The following MAP2K6 variants were observed in gnomAD, a reference collection of about 807,000 sequenced individuals.
MAP2K6 encodes the protein dual specificity mitogen-activated protein kinase kinase 6.
Under a neutral mutation model 53.7 loss-of-function variants are expected in MAP2K6, and 16 were observed. The ratio of observed to expected loss-of-function variants is 0.30; its 90% confidence interval spans 0.20 to 0.45. The LOEUF (loss-of-function observed/expected upper bound fraction) is 0.45, where lower values mean the gene tolerates loss of function less well. Among genes scored for constraint, MAP2K6 ranks in the 20% least tolerant of loss-of-function variants. The pLI is 1.00. For missense variants in MAP2K6, 204 were observed against 411.9 expected, an observed-to-expected ratio of 0.50 and a Z score of 4.37; for synonymous variants, 132 against 143.1, an observed-to-expected ratio of 0.92 and a Z score of 0.55.
At chr17:69,430,615 TG>T (rs35168679) in intron 1 of MAP2K6, among the ~76,000 whole-genome samples, 2 of 152,152 alleles carry the variant, frequency 1.3e-5, no homozygotes, top group Admixed American at 1.3e-4. Context: ...GAAACTAGTT[TG>T]GGGCTTGTTT....
chr17:69,483,754 A>G (rs530350605), intron 1 of MAP2K6, among the ~76,000 whole-genome samples: 1 of 152,266 alleles, frequency 6.6e-6, no homozygotes, highest in South Asian at 2.1e-4. Context: ...ATAGACACAG[A>G]CAAATGGAAT....
At chr17:69,496,080 A>ATT (rs113695007) in intron 1 of MAP2K6, among the ~76,000 whole-genome samples, 98 of 150,064 alleles carry the variant, frequency 6.5e-4, no homozygotes, top group African/African-American at 2.3e-3. Flanking sequence ...GTCTACTAGG[A>ATT]CTTTTTTTTT....
intron 1 of MAP2K6, among the ~76,000 whole-genome samples, chr17:69,426,474 C>G (rs940431614): frequency 6.6e-6 from 1 of 152,172 alleles, no homozygotes; most frequent in South Asian, 2.1e-4. Flanking sequence ...CTATAGTACT[C>G]TCTCTATAAA....
intron 1 of MAP2K6, among the ~76,000 whole-genome samples, chr17:69,420,663 A>T (rs1006046082): frequency 6.6e-6 from 1 of 152,250 alleles, no homozygotes. Context: ...GGGAGAAGTC[A>T]GATCTACAGA....
chr17:69,537,311 A>G (rs989528304), intron 11 of MAP2K6, among the ~76,000 whole-genome samples: 9 of 152,212 alleles, frequency 5.9e-5, no homozygotes, highest in Non-Finnish European at 1.3e-4. Flanking sequence ...TTCAATTATC[A>G]AGGTTTTCAT....
intron 1 of MAP2K6, among the ~76,000 whole-genome samples, chr17:69,460,574 T>C (rs1367958175): frequency 6.6e-6 from 1 of 152,136 alleles, no homozygotes; most frequent in Non-Finnish European, 1.5e-5. Flanking sequence ...AGTGCAAAAG[T>C]CTAGCTAAGA....
chr17:69,446,860 GT>G (rs72215299), intron 1 of MAP2K6, among the ~76,000 whole-genome samples: 121 of 148,070 alleles, frequency 8.2e-4, no homozygotes, highest in Middle Eastern at 3.4e-3. Flanking sequence ...TAAGAATAAG[GT>G]TTTTTTTTTT....
chr17:69,514,069 AC>A (rs1910013616), intron 2 of MAP2K6, among the ~76,000 whole-genome samples: 1 of 151,620 alleles, frequency 6.6e-6, no homozygotes, highest in African/African-American at 2.4e-5. Flanking sequence ...AGATCGTGCC[AC>A]TGCACTCCAG....
intron 1 of MAP2K6, among the ~76,000 whole-genome samples, chr17:69,451,002 T>C (rs891812731): frequency 2.0e-5 from 3 of 151,950 alleles, no homozygotes; most frequent in African/African-American, 7.3e-5. Context: ...GAGCATTGAG[T>C]AGGTTTGCAT....
chr17:69,519,503 T>C (rs562002326), intron 5 of MAP2K6, 71 bp downstream of exon 5: 2 of 1,581,888 alleles, frequency 1.3e-6, no homozygotes, highest in South Asian at 2.2e-5. Flanking sequence ...ATCACGTAAA[T>C]GCCTTCACAA....
intron 1 of MAP2K6, among the ~76,000 whole-genome samples, chr17:69,463,257 C>T (rs192082525): frequency 4.6e-5 from 7 of 150,546 alleles, no homozygotes; most frequent in Middle Eastern, 3.3e-3. Context: ...TTTGCTTTCA[C>T]GTACATATAT....
chr17:69,427,344 C>T (rs1158534832), intron 1 of MAP2K6, among the ~76,000 whole-genome samples: 1 of 151,820 alleles, frequency 6.6e-6, no homozygotes, highest in Non-Finnish European at 1.5e-5. Context: ...TGGATATTAG[C>T]AAGGGAGTTC....
chr17:69,469,781 A>T (rs1352062348), intron 1 of MAP2K6, among the ~76,000 whole-genome samples: 1 of 152,276 alleles, frequency 6.6e-6, no homozygotes, highest in Admixed American at 6.5e-5. Flanking sequence ...ATAAATAAGT[A>T]AATAAAGAGA....
rs1240698616 is a variant in MAP2K6 at position 69,494,043 on chromosome 17, G to C, written c.17-11737G>C. Among the ~76,000 whole-genome samples, 3 of 152,214 alleles carry C rather than the reference G, an allele frequency of 2.0e-5. No homozygotes were observed. The highest frequency in any genetic ancestry group is 4.4e-5 in the Non-Finnish European group (3 of 68,046). On this transcript the variant is annotated intron_variant, in intron 1 of 11. Transcript: ENST00000590474. This position sits in a 1 kb window ranked among gnomAD's most constrained non-coding sequence, Gnocchi z 4.2. ...TCTTGCCAAACAATCTGATCAAGTT[G>C]AATCTGATCAATTTCTAACCAACAG...
At position 69,430,501 on chromosome 17, in the gene MAP2K6, C is replaced by T. The variant is rs73998272; in HGVS notation, c.16+15501C>T. Among the ~76,000 whole-genome samples, 702 of 152,310 alleles carry T rather than the reference C, an allele frequency of 4.6e-3. 4 individuals are homozygous for T. The highest frequency in any genetic ancestry group is 0.016 in the African/African-American group (679 of 41,564). On this transcript the variant is annotated intron_variant, in intron 1 of 11. Transcript: ENST00000590474. ...AATGATTATACATCTCTGATTCTTT[C>T]AGCTTCAGCAGCAATCTTTGTTCAT... is the stretch of plus-strand genomic sequence containing the variant.
chr17:69,428,334 T>C (rs1906339299), intron 1 of MAP2K6, among the ~76,000 whole-genome samples: 1 of 152,234 alleles, frequency 6.6e-6, no homozygotes, highest in Non-Finnish European at 1.5e-5. Flanking sequence ...TTCTGGTGTT[T>C]GCTGGCAATC....
At chr17:69,476,757 G>T (rs1908164281) in intron 1 of MAP2K6, among the ~76,000 whole-genome samples, 1 of 152,144 alleles carries the variant, frequency 6.6e-6, no homozygotes, top group Non-Finnish European at 1.5e-5. Flanking sequence ...TTCCCCAAGG[G>T]CCTGGCTGAT....
rs751306415 is a variant in MAP2K6, at chr17:69,526,674, G to A, written c.846G>A (p.Lys282=). The A allele has an allele frequency of 6.2e-7, 1 of 1,613,840 alleles. No homozygotes were observed. The highest frequency in any genetic ancestry group is 1.3e-5 in the African/African-American group (1 of 74,920). ...EEPSPQLPAD[K]FSAEFVDFTS... Reference sequence around the variant, plus strand: ...CATCGCCACAACTCCCAGCAGACAAGTTCTCTGCAGAGTTTGTTGACTTTA... The same window carrying A: ...CATCGCCACAACTCCCAGCAGACAAATTCTCTGCAGAGTTTGTTGACTTTA... Residue 282 remains lysine, a synonymous_variant, in exon 10 of 12, where the codon AAG becomes AAA. Transcript: ENST00000590474.
In MAP2K6 at chr17:69,541,243, AC is replaced by A. The variant is rs1911611339; in HGVS notation, c.928-432del. Among the ~76,000 whole-genome samples, 3 of 152,126 alleles carry A rather than the reference AC, an allele frequency of 2.0e-5. No homozygotes were observed. In the South Asian group the frequency reaches 6.3e-4, roughly 32 times the overall value. On this transcript the variant is annotated intron_variant, in intron 11 of 11. Coordinates refer to ENST00000590474, the MANE Select transcript of MAP2K6 (RefSeq NM_002758.4). The stretch of plus-strand genomic sequence containing the variant: ...GCACCACTGCACTCCAGCCTGGGCA[AC>A]AGAGCGAGACTCCATCTCAAAAAGA...
Sources: allele counts gnomAD v4.1 joint callset (sites outside exome capture counted in the v4.1 genomes callset), GRCh38; gene constraint gnomAD v4.1.1; non-coding constraint Gnocchi (gnomAD v3.1); transcripts MANE v1.5; gene names NCBI Gene and HGNC (gene_info 2026-07-23, HGNC 2026-07-21).